Variants in COL14A1 observed in about 807,000 individuals in gnomAD.
COL14A1 encodes the protein collagen type XIV alpha 1 chain, also known as collagen alpha-1(XIV) chain.
Under a neutral mutation model 230.3 loss-of-function variants are expected in COL14A1, and 136 were observed. The observed-to-expected ratio is 0.59, with a 90% CI of 0.51 to 0.68. The LOEUF is 0.68. Ranked by LOEUF, COL14A1 falls within the 30% of genes least tolerant of loss-of-function variation. The pLI, the probability that COL14A1 is intolerant of heterozygous loss-of-function variation, is 0.00. For missense variants in COL14A1, 1,976 were observed against 2,215.8 expected (o/e 0.89, Z 2.17); for synonymous variants, 792 against 784.1 (o/e 1.01, Z -0.17).
intron 44 of COL14A1, among the ~76,000 whole-genome samples, chr8:120,342,688 T>C (rs1022655574): frequency 6.6e-6 from 1 of 152,174 alleles, no homozygotes; most frequent in Admixed American, 6.5e-5. Context: ...AACTGCCTGT[T>C]TGCCCATGTA....
intron 24 of COL14A1, 75 bp from the exon 25 acceptor site, chr8:120,266,752 T>C (rs1586817525): frequency 8.4e-7 from 1 of 1,185,730 alleles, no homozygotes; most frequent in East Asian, 2.4e-5. Flanking sequence ...CCTGAATATT[T>C]ATTACTCCAT....
intron 5 of COL14A1, among the ~76,000 whole-genome samples, chr8:120,185,628 C>T (rs1816627549): frequency 6.6e-6 from 1 of 152,152 alleles, no homozygotes; most frequent in African/African-American, 2.4e-5. Flanking sequence ...TGCGCCACTG[C>T]ACTCCAGCCT....
intron 5 of COL14A1, among the ~76,000 whole-genome samples, chr8:120,192,367 A>G (rs1032415517): frequency 1.3e-5 from 2 of 152,194 alleles, no homozygotes; most frequent in African/African-American, 4.8e-5. Context: ...AATGTTGAAT[A>G]TTGGCCCCCA....
chr8:120,217,686 C>T (rs1263076462), intron 14 of COL14A1, among the ~76,000 whole-genome samples: 1 of 151,976 alleles, frequency 6.6e-6, no homozygotes, highest in Non-Finnish European at 1.5e-5. Context: ...CCTGAAGAGT[C>T]TGGTCATTTG....
chr8:120,305,814 G>C (rs1298611173), intron 36 of COL14A1, among the ~76,000 whole-genome samples: 1 of 151,998 alleles, frequency 6.6e-6, no homozygotes, highest in Non-Finnish European at 1.5e-5. Flanking sequence ...AGTTTGGAAA[G>C]TATACTCTGT....
chr8:120,188,215 T>C (rs1185367954), intron 5 of COL14A1, among the ~76,000 whole-genome samples: 3 of 151,922 alleles, frequency 2.0e-5, no homozygotes, highest in Non-Finnish European at 4.4e-5. Flanking sequence ...CCCGAGTAGA[T>C]GGAATTACAG....
At chr8:120,359,079 G>A (rs201833220) in intron 45 of COL14A1, among the ~76,000 whole-genome samples, 1 of 150,130 alleles carries the variant, frequency 6.7e-6, no homozygotes, top group Admixed American at 6.6e-5. Context: ...TTTTTTTTAT[G>A]TTAACTTTTG....
intron 4 of COL14A1, among the ~76,000 whole-genome samples, chr8:120,166,921 TGGTGGTGATGATG>T (rs1261067068): frequency 5.1e-5 from 7 of 137,282 alleles, no homozygotes; most frequent in African/African-American, 2.1e-4. Context: ...TGTGTGTGTG[TGGTGGTGATGATG>T]GTGGTGGTGG....
intron 12 of COL14A1, among the ~76,000 whole-genome samples, chr8:120,211,402 T>C (rs1319115129): frequency 6.6e-6 from 1 of 152,200 alleles, no homozygotes; most frequent in East Asian, 1.9e-4. Flanking sequence ...AAAGATTGTG[T>C]TGATATGATC....
At chr8:120,268,295 T>A (rs1259211766) in intron 25 of COL14A1, among the ~76,000 whole-genome samples, 1 of 151,752 alleles carries the variant, frequency 6.6e-6, no homozygotes, top group African/African-American at 2.4e-5. Flanking sequence ...TTCTTTAGTC[T>A]CAACATCTGT....
At chr8:120,160,741 T>C (rs1815636031) in intron 3 of COL14A1, among the ~76,000 whole-genome samples, 1 of 152,218 alleles carries the variant, frequency 6.6e-6, no homozygotes, top group Non-Finnish European at 1.5e-5. Flanking sequence ...TTCAACACTA[T>C]GAGATATGGT....
chr8:120,316,499 A>T (rs889840336), intron 40 of COL14A1, among the ~76,000 whole-genome samples: 1 of 152,152 alleles, frequency 6.6e-6, no homozygotes, highest in Non-Finnish European at 1.5e-5. Flanking sequence ...ATACGCTAAC[A>T]TCTGGTATTT....
chr8:120,145,577 G>A (rs143955852), intron 1 of COL14A1, among the ~76,000 whole-genome samples: 417 of 152,240 alleles, frequency 2.7e-3, no homozygotes, highest in African/African-American at 8.7e-3. Context: ...AGATCGCACC[G>A]TTGCACTCCA....
intron 7 of COL14A1, among the ~76,000 whole-genome samples, chr8:120,198,566 T>C (rs569989978): frequency 1.5e-3 from 218 of 149,432 alleles, no homozygotes; most frequent in Non-Finnish European, 2.8e-3. Flanking sequence ...GCCAACATGA[T>C]GCTAAAAAAA....
chr8:120,348,297 T>C (rs1817982704), intron 45 of COL14A1, among the ~76,000 whole-genome samples: 1 of 148,422 alleles, frequency 6.7e-6, no homozygotes, highest in South Asian at 2.1e-4. Flanking sequence ...ATATGAAGCA[T>C]ATATAAAGCA....
intron 44 of COL14A1, among the ~76,000 whole-genome samples, 162 bp downstream of exon 44, chr8:120,342,608 C>G (rs1418047138): frequency 6.6e-6 from 1 of 152,194 alleles, no homozygotes; most frequent in Non-Finnish European, 1.5e-5. Context: ...TCAAAGAGAT[C>G]ACTGCAGATT....
intron 23 of COL14A1, among the ~76,000 whole-genome samples, chr8:120,256,151 A>G (rs1394145171): frequency 6.6e-6 from 1 of 152,246 alleles, no homozygotes; most frequent in East Asian, 1.9e-4. Flanking sequence ...ATGCTAAAGA[A>G]TCCCAAATGA....
chr8:120,316,250 A>G (rs1821226584), intron 40 of COL14A1, among the ~76,000 whole-genome samples: 1 of 152,146 alleles, frequency 6.6e-6, no homozygotes, highest in African/African-American at 2.4e-5. Context: ...TGCTCCCATG[A>G]CCTGAATACA....
intron 37 of COL14A1, among the ~76,000 whole-genome samples, chr8:120,311,955 GGT>G (rs910816191): frequency 6.6e-5 from 10 of 151,848 alleles, no homozygotes; most frequent in African/African-American, 2.4e-4. Context: ...AAATTAGCTG[GGT>G]GTGGTGGTGG....
Sources: gnomAD v4.1 joint callset for allele counts (sites outside exome capture counted in the v4.1 genomes callset) on GRCh38, gnomAD v4.1.1 for gene constraint, MANE v1.5 for transcripts, NCBI Gene and HGNC (gene_info 2026-07-23, HGNC 2026-07-21) for gene names.